RGS7BP: variants seen among roughly 807,000 people sequenced by gnomAD.
The protein encoded by RGS7BP is regulator of G protein signaling 7-binding protein.
In RGS7BP, 9 loss-of-function variants were observed where a neutral mutation model predicts 31.3. That is an observed-to-expected ratio of 0.29 (90% CI 0.17 to 0.50). The LOEUF is 0.50. Among genes scored for constraint, RGS7BP ranks in the 20% least tolerant of loss-of-function variants. The pLI is 0.98. For missense variants in RGS7BP, 274 were observed against 322.0 expected, an observed-to-expected ratio of 0.85 and a Z score of 1.14; for synonymous variants, 115 against 120.1, an observed-to-expected ratio of 0.96 and a Z score of 0.28.
chr5:64,530,993 C>G lies in RGS7BP; in HGVS notation c.332+23116C>G, dbSNP rs887631955. The stretch of plus-strand genomic sequence containing the variant: ...CAACACCACTGATGGATGCTGCTGC[C>G]CTAAATGAATCCTAATTATCCCTTC... On this transcript the variant is annotated intron_variant, in intron 2 of 5. Coordinates refer to ENST00000334025, the MANE Select transcript of RGS7BP (RefSeq NM_001029875.3). Among the ~76,000 whole-genome samples the G allele has an allele frequency of 4.6e-5, 7 of 152,114 alleles. No homozygotes were observed. In the South Asian group the frequency reaches 1.0e-3, roughly 23 times the overall value.
Position 64,611,024 on chromosome 5 carries a change from G to A in RGS7BP, c.*1772G>A, listed in dbSNP as rs1251217991. On this transcript the variant is annotated 3_prime_UTR_variant, in exon 6 of 6. Coordinates refer to ENST00000334025, the MANE Select transcript of RGS7BP (RefSeq NM_001029875.3). ...GCTTCAAAAAAAAGAAGTAGCCGTG[G>A]AAAGCTATATGAGAAAATCACAATT... is the stretch of plus-strand genomic sequence containing the variant. 1 of 151,914 alleles carries A rather than the reference G, an allele frequency of 6.6e-6. No individual in the cohort carries two copies. The highest frequency in any genetic ancestry group is 2.4e-5 in the African/African-American group (1 of 41,422). The allele number at this position is 151,914 out of a possible 1,614,324, so 9.4% of individuals were successfully genotyped here.
At chr5:64,567,336 A>G (rs1742195380) in intron 2 of RGS7BP, among the ~76,000 whole-genome samples, 1 of 152,136 alleles carries the variant, frequency 6.6e-6, no homozygotes, top group Non-Finnish European at 1.5e-5. Flanking sequence ...TTCTATAACT[A>G]TACAACTTGT....
At position 64,594,357 on chromosome 5, in the gene RGS7BP, TAGGTTTCACAAGCTAA is replaced by T. The variant is rs571962126; in HGVS notation, c.464-351_464-336del. 1.6e-3 allele frequency among the ~76,000 whole-genome samples: 240 copies of T among 152,244 alleles called. 2 individuals carry two copies. Among genetic ancestry groups the T allele is most frequent in the Non-Finnish European group, 3.1e-3 (213 of 68,022 alleles). On this transcript the variant is annotated intron_variant, in intron 3 of 5. Transcript: ENST00000334025. Reference sequence around the variant, plus strand: ...CCTGCATCTAAGCACCAAAAGCCAGTAGGTTTCACAAGCTAAATCCCCCCTCCTGAGCTAACTTAAT... The same window carrying T: ...CCTGCATCTAAGCACCAAAAGCCAGTATCCCCCCTCCTGAGCTAACTTAAT...
At chr5:64,567,848 C>T (rs1164675534) in intron 2 of RGS7BP, among the ~76,000 whole-genome samples, 1 of 148,158 alleles carries the variant, frequency 6.7e-6, no homozygotes, top group African/African-American at 2.4e-5. Flanking sequence ...ATGACCCATA[C>T]TTTCGATATA....
chr5:64,555,711 T>C (rs1741907746), intron 2 of RGS7BP, among the ~76,000 whole-genome samples: 2 of 152,134 alleles, frequency 1.3e-5, no homozygotes, highest in African/African-American at 4.8e-5. Flanking sequence ...ACTGTGTTAA[T>C]AGTTGAAAAA....
At position 64,537,834 on chromosome 5, in the gene RGS7BP, T is replaced by C. The variant is rs146431970; in HGVS notation, c.332+29957T>C. On this transcript the variant is annotated intron_variant, in intron 2 of 5. Coordinates refer to ENST00000334025, the MANE Select transcript of RGS7BP (RefSeq NM_001029875.3). ...CTATGCTGCTAAAAGCATTCCATTA[T>C]GCTATTCAAAGCCTGATAAATGAAG... 1.1e-4 allele frequency among the ~76,000 whole-genome samples: 17 copies of C among 152,332 alleles called. No homozygotes were observed. The East Asian group carries it at 2.9e-3, about 26-fold the overall frequency.
intron 2 of RGS7BP, among the ~76,000 whole-genome samples, chr5:64,536,490 T>C (rs1036491118): frequency 6.6e-6 from 1 of 152,256 alleles, no homozygotes; most frequent in Admixed American, 6.5e-5. Context: ...GTTGTTCTTA[T>C]AGGATGAAAA....
intron 2 of RGS7BP, among the ~76,000 whole-genome samples, chr5:64,543,648 G>A (rs1485416027): frequency 6.6e-6 from 1 of 152,260 alleles, no homozygotes; most frequent in Non-Finnish European, 1.5e-5. Flanking sequence ...CCAATGTCCA[G>A]GTATAACCAA....
rs184977214 is a variant in RGS7BP, at chr5:64,542,129, C to T, written c.333-33645C>T. On this transcript the variant is annotated intron_variant, in intron 2 of 5. Coordinates refer to ENST00000334025, the MANE Select transcript of RGS7BP (RefSeq NM_001029875.3). ...ATCTTCTTATTCCTTATATATACTT[C>T]GTGTTAACGAAAGAGTTGAAAGTTT... 1.2e-3 allele frequency among the ~76,000 whole-genome samples: 177 copies of T among 152,306 alleles called. 3 individuals are homozygous for T. The highest frequency in any genetic ancestry group is 4.0e-3 in the African/African-American group (167 of 41,570).
intron 3 of RGS7BP, among the ~76,000 whole-genome samples, chr5:64,588,946 T>A (rs1405171084): frequency 6.6e-6 from 1 of 151,922 alleles, no homozygotes; most frequent in African/African-American, 2.4e-5. Context: ...AAAATAAATA[T>A]CTAAAGTTAA....
chr5:64,573,085 T>C (rs1156830951), intron 2 of RGS7BP, among the ~76,000 whole-genome samples: 1 of 151,132 alleles, frequency 6.6e-6, no homozygotes, highest in Non-Finnish European at 1.5e-5. Flanking sequence ...TTTTTGTTCT[T>C]GTGATAGTTT....
chr5:64,593,720 C>G (rs1742983400), intron 3 of RGS7BP, among the ~76,000 whole-genome samples: 1 of 152,130 alleles, frequency 6.6e-6, no homozygotes, highest in African/African-American at 2.4e-5. Context: ...CTCCATATCT[C>G]TAGCATGAAT....
At chr5:64,528,300 T>C (rs1749282431) in intron 2 of RGS7BP, among the ~76,000 whole-genome samples, 1 of 152,154 alleles carries the variant, frequency 6.6e-6, no homozygotes, top group Non-Finnish European at 1.5e-5. Flanking sequence ...AGGCTCTTGA[T>C]CCGTTTTTCT....
chr5:64,577,865 C>T (rs1742478651), intron 3 of RGS7BP, among the ~76,000 whole-genome samples: 1 of 152,160 alleles, frequency 6.6e-6, no homozygotes, highest in Non-Finnish European at 1.5e-5. Flanking sequence ...TCTGCATTGG[C>T]TGCACCTGCA....
At chr5:64,554,749 T>C (rs183455793) in intron 2 of RGS7BP, among the ~76,000 whole-genome samples, 2 of 152,258 alleles carry the variant, frequency 1.3e-5, no homozygotes, top group Non-Finnish European at 2.9e-5. Flanking sequence ...CTTTAGTTAA[T>C]ACCATTACCT....
intron 2 of RGS7BP, among the ~76,000 whole-genome samples, chr5:64,514,145 T>A (rs1748911797): frequency 6.6e-6 from 1 of 152,030 alleles, no homozygotes; most frequent in Admixed American, 6.5e-5. Context: ...CTTTTCCTTG[T>A]GTGTGCATCC....
intron 2 of RGS7BP, among the ~76,000 whole-genome samples, chr5:64,556,824 A>G (rs1741939786): frequency 6.6e-6 from 1 of 151,860 alleles, no homozygotes; most frequent in Non-Finnish European, 1.5e-5. Context: ...AAAAAAAAAA[A>G]TCTCTGTGTG....
At chr5:64,536,453 A>C (rs1741361654) in intron 2 of RGS7BP, among the ~76,000 whole-genome samples, 1 of 152,230 alleles carries the variant, frequency 6.6e-6, no homozygotes, top group African/African-American at 2.4e-5. Flanking sequence ...ACAATAAAAA[A>C]TCCAAATACC....
intron 3 of RGS7BP, among the ~76,000 whole-genome samples, chr5:64,584,951 AAG>A (rs1376193125): frequency 1.3e-5 from 2 of 152,210 alleles, no homozygotes; most frequent in African/African-American, 4.8e-5. Context: ...TTAGAAACAC[AAG>A]AGAGTAAAAG....
Sources: allele counts gnomAD v4.1 joint callset (sites outside exome capture counted in the v4.1 genomes callset), GRCh38; gene constraint gnomAD v4.1.1; transcripts MANE v1.5; gene names NCBI Gene and HGNC (gene_info 2026-07-23, HGNC 2026-07-21).